C4orf51: variants seen among roughly 807,000 people sequenced by gnomAD.
C4orf51 encodes the protein chromosome 4 open reading frame 51.
C4orf51 carries 25 observed loss-of-function variants against 25.2 expected under a neutral mutation model. That is an observed-to-expected ratio of 0.99 (90% CI 0.72 to 1.39). C4orf51 has a LOEUF of 1.39. C4orf51 is among the 40% of genes most tolerant of loss of function. The pLI, the probability that C4orf51 is intolerant of heterozygous loss-of-function variation, is 0.00. For missense variants in C4orf51, 252 were observed against 239.6 expected (o/e 1.05, Z -0.34); for synonymous variants, 100 against 84.5 (o/e 1.18, Z -1.01).
Position 145,694,369 on chromosome 4 carries a change from G to A in C4orf51, c.234-2190G>A, listed in dbSNP as rs528941649. 3.1e-3 allele frequency among the ~76,000 whole-genome samples: 459 copies of A among 148,572 alleles called. 1 individual carries two copies. Among genetic ancestry groups the A allele is most frequent in the African/African-American group, 0.011 (430 of 40,506 alleles). Reference sequence around the variant, plus strand: ...TCCTCACTGCCCCGTCCGGGAGGGAGGTGGGGGGGTCAGCCCTCCACCCGG... The same window carrying A: ...TCCTCACTGCCCCGTCCGGGAGGGAAGTGGGGGGGTCAGCCCTCCACCCGG... On this transcript the variant is annotated intron_variant, in intron 1 of 5. Coordinates refer to ENST00000438731, the MANE Select transcript of C4orf51 (RefSeq NM_001080531.3).
intron 2 of C4orf51, among the ~76,000 whole-genome samples, chr4:145,698,291 C>T (rs1214949707): frequency 6.6e-6 from 1 of 152,150 alleles, no homozygotes; most frequent in Non-Finnish European, 1.5e-5. Flanking sequence ...CTCTGGAAGT[C>T]CTGACAACAT....
At chr4:145,710,089 G>C (rs755150317) in intron 2 of C4orf51, among the ~76,000 whole-genome samples, 1 of 152,194 alleles carries the variant, frequency 6.6e-6, no homozygotes, top group Non-Finnish European at 1.5e-5. Flanking sequence ...CTGAGTCACA[G>C]CACCAAAGTA....
downstream of C4orf51, chr4:145,758,780 A>C (rs1734157736): frequency 6.6e-6 from 1 of 152,182 alleles, no homozygotes; most frequent in African/African-American, 2.4e-5. Context: ...CCCTGTGGGC[A>C]TCTCCTTAGT....
At chr4:145,684,708 T>G (rs1277206095) in intron 1 of C4orf51, among the ~76,000 whole-genome samples, 3 of 151,736 alleles carry the variant, frequency 2.0e-5, no homozygotes, top group African/African-American at 7.3e-5. Flanking sequence ...GGACAGGAGG[T>G]TTATGGGAAA....
At chr4:145,690,855 T>C (rs999926505) in intron 1 of C4orf51, among the ~76,000 whole-genome samples, 1 of 151,946 alleles carries the variant, frequency 6.6e-6, no homozygotes, top group Non-Finnish European at 1.5e-5. Context: ...AATCCCAGTA[T>C]TTTGAAAGGC....
chr4:145,703,122 G>T (rs991922571), intron 2 of C4orf51, among the ~76,000 whole-genome samples: 1 of 151,800 alleles, frequency 6.6e-6, no homozygotes, highest in African/African-American at 2.4e-5. Context: ...TGCCCAGATG[G>T]CCTGAAGTAA....
intron 1 of C4orf51, among the ~76,000 whole-genome samples, chr4:145,694,181 G>C: frequency 6.8e-6 from 1 of 146,768 alleles, no homozygotes; most frequent in African/African-American, 2.6e-5. Context: ...CGGCCGGGCA[G>C]AGACGCTCCT....
chr4:145,784,874 T>C, the C4orf51 span, among the ~76,000 whole-genome samples: 3 of 152,342 alleles, frequency 2.0e-5, no homozygotes, highest in Admixed American at 6.5e-5. Flanking sequence ...CAGAGTCTCA[T>C]AGGATTTTGT....
intron 2 of C4orf51, among the ~76,000 whole-genome samples, chr4:145,701,450 G>T (rs1352546194): frequency 3.3e-5 from 5 of 152,010 alleles, no homozygotes; most frequent in Admixed American, 6.6e-5. Flanking sequence ...CCATCTGTGC[G>T]GGGACCCCAC....
chr4:145,748,397 G>T (rs147869684), intron 1 of C4orf51, among the ~76,000 whole-genome samples: 1 of 151,738 alleles, frequency 6.6e-6, no homozygotes, highest in African/African-American at 2.4e-5. Context: ...ATGTATTTCT[G>T]CTCTAATCCT....
chr4:145,701,028 G>C (rs1349769278), intron 2 of C4orf51, among the ~76,000 whole-genome samples: 1 of 152,020 alleles, frequency 6.6e-6, no homozygotes, highest in African/African-American at 2.4e-5. Flanking sequence ...TTTTTCATCA[G>C]ATATAAAAAC....
At chr4:145,779,381 C>G in the C4orf51 span, 3 of 1,613,928 alleles carry the variant, frequency 1.9e-6, no homozygotes, top group South Asian at 3.3e-5. Flanking sequence ...CACCTGTGTG[C>G]AGCGAGAGGT....
intron 3 of C4orf51, among the ~76,000 whole-genome samples, chr4:145,728,730 T>C (rs1021657656): frequency 1.3e-5 from 2 of 152,246 alleles, no homozygotes; most frequent in Non-Finnish European, 2.9e-5. Flanking sequence ...TAGGTGAATT[T>C]GCAAACACTG....
chr4:145,729,293 T>C (rs1412425574), intron 4 of C4orf51, 64 bp downstream of exon 4: 5 of 853,454 alleles, frequency 5.9e-6, no homozygotes, highest in Admixed American at 3.0e-5. Context: ...ATCGTGGTCA[T>C]GTGATTTTTT....
Position 145,768,916 on chromosome 4 carries a change from T to TATATATAAAA in C4orf51, n.167-2072_167-2071insATATATAAAA, listed in dbSNP as rs34051922. On this transcript the variant is annotated intron_variant and non_coding_transcript_variant, in intron 1 of 1. Transcript: ENST00000510096. ...ATATATATATATATATATATATATA[T>TATATATAAAA]TAGGTATACAAAGTTTGGAAATAGA... Among the ~76,000 whole-genome samples the TATATATAAAA allele has an allele frequency of 3.3e-3, 112 of 34,418 alleles. 22 individuals carry two copies. Among genetic ancestry groups the TATATATAAAA allele is most frequent in the Non-Finnish European group, 4.1e-3 (78 of 19,192 alleles). 22.6% of individuals were successfully genotyped at this position (34,418 alleles called of 152,430 possible).
intron 1 of C4orf51, among the ~76,000 whole-genome samples, chr4:145,683,162 C>T (rs1264831199): frequency 6.6e-6 from 1 of 152,054 alleles, no homozygotes; most frequent in Non-Finnish European, 1.5e-5. Context: ...ACTAGCATCT[C>T]CCAAAATTAA....
At chr4:145,775,833 G>T, downstream of C4orf51, 1 of 1,614,194 alleles carries the variant, frequency 6.2e-7, no homozygotes, top group Non-Finnish European at 8.5e-7. Context: ...CTTCAGAGGT[G>T]ACGGCGCTGA....
At position 145,765,537 on chromosome 4, in the gene C4orf51, T is replaced by A; in HGVS notation, n.167-5451T>A. The stretch of plus-strand genomic sequence containing the variant: ...AGGGTTGAGCAGGCTCACACCCACC[T>A]CCTCCTTACCTTTCTCTGGCTTTTC... On this transcript the variant is annotated intron_variant and non_coding_transcript_variant, in intron 1 of 1. Coordinates refer to the C4orf51 transcript ENST00000510096. This position sits in a 1 kb window ranked among gnomAD's most constrained non-coding sequence, Gnocchi z 4.7. 1 of 1,606,310 alleles carries A rather than the reference T, an allele frequency of 6.2e-7. No individual in the cohort carries two copies. The highest frequency in any genetic ancestry group is 8.5e-7 in the Non-Finnish European group (1 of 1,176,020).
chr4:145,700,444 C>T (rs1365291643), intron 2 of C4orf51, among the ~76,000 whole-genome samples: 2 of 152,142 alleles, frequency 1.3e-5, no homozygotes, highest in Admixed American at 1.3e-4. Context: ...GAACTTAAAA[C>T]CTCTTCAACT....
Sources: gnomAD v4.1 joint callset for allele counts (sites outside exome capture counted in the v4.1 genomes callset) on GRCh38, gnomAD v4.1.1 for gene constraint, Gnocchi (gnomAD v3.1) non-coding constraint, MANE v1.5 for transcripts, NCBI Gene and HGNC (gene_info 2026-07-23, HGNC 2026-07-21) for gene names.